RNF157: variants seen among roughly 807,000 people sequenced by gnomAD.
The protein encoded by RNF157 is E3 ubiquitin ligase RNF157.
Under a neutral mutation model 88.3 loss-of-function variants are expected in RNF157, and 55 were observed. The observed-to-expected ratio is 0.62, with a 90% confidence interval of 0.50 to 0.78. RNF157 has a LOEUF of 0.78. Among genes scored for constraint, RNF157 ranks in the 30% least tolerant of loss-of-function variants. The pLI is 0.00. For missense variants in RNF157, 788 were observed against 860.8 expected (o/e 0.92, Z 1.06); for synonymous variants, 334 against 341.2 (o/e 0.98, Z 0.23).
chr17:76,238,705 G>A (rs2145095722), intron 1 of RNF157, among the ~76,000 whole-genome samples: 1 of 152,266 alleles, frequency 6.6e-6, no homozygotes, highest in African/African-American at 2.4e-5. Flanking sequence ...CACAAATACT[G>A]CTGCATATTT....
Position 76,158,613 on chromosome 17 carries a change from T to G in RNF157, c.1305-112A>C, listed in dbSNP as rs1173200834. 1.7e-5 allele frequency: 12 copies of G among 700,040 alleles called. No homozygotes were observed. In the East Asian group the frequency reaches 3.0e-4, roughly 17 times the overall value. The allele number at this position is 700,040 out of a possible 1,614,324, so 43.4% of individuals were successfully genotyped here. ...AAATATTTTTTGCTTGTTTATTTTTTGAGACAGCATCTCATTATGTTTCCC... is the reference window on the plus strand; with the variant it reads ...AAATATTTTTTGCTTGTTTATTTTTGGAGACAGCATCTCATTATGTTTCCC... On this transcript the variant is annotated intron_variant, in intron 12 of 18. Transcript: ENST00000269391.
intron 1 of RNF157, among the ~76,000 whole-genome samples, chr17:76,217,688 C>A (rs2069912711): frequency 6.6e-6 from 1 of 152,158 alleles, no homozygotes; most frequent in Admixed American, 6.5e-5. Context: ...CTATTTGTTA[C>A]CAGGAGAAAC....
At position 76,172,053 on chromosome 17, in the gene RNF157, G is replaced by A. The variant is rs139955597; in HGVS notation, c.296+1649C>T. Among the ~76,000 whole-genome samples, 19 of 152,338 alleles carry A rather than the reference G, an allele frequency of 1.2e-4. No homozygotes were observed. The East Asian group carries it at 3.7e-3, about 29-fold the overall frequency. On this transcript the variant is annotated intron_variant, in intron 3 of 18. Coordinates refer to ENST00000269391, the MANE Select transcript of RNF157 (RefSeq NM_052916.3). ...GATGAACTCCCCTGGGTCAGGTCGG[G>A]GGACTGTTCTGCAGCAGACAGGTAC...
intron 4 of RNF157, 94 bp from the exon 5 acceptor site, chr17:76,167,220 C>T: frequency 1.1e-6 from 1 of 899,350 alleles, no homozygotes; most frequent in Non-Finnish European, 1.8e-6. Context: ...CAATTATCAA[C>T]AGGGTCTAGC....
At chr17:76,150,652 A>G (rs2585738) in intron 18 of RNF157, among the ~76,000 whole-genome samples, 54,037 of 152,144 alleles carry the variant, frequency 0.36, 11,330 homozygotes, top group African/African-American at 0.59. Context: ...AACTACTGAC[A>G]GAGGATGCCA....
In RNF157 at chr17:76,157,092, G is replaced by A. The variant is rs1346953268; in HGVS notation, c.1414-771C>T. On this transcript the variant is annotated intron_variant, in intron 13 of 18. Transcript: ENST00000269391. The surrounding 1 kb of genome is among the most constrained non-coding windows in gnomAD (Gnocchi z 5.6). ...AGCGATTCTCCTGCCTCAGCCTCCC[G>A]AGTAGCTGGGACTACAGGTGCATGC... is the stretch of plus-strand genomic sequence containing the variant. Among the ~76,000 whole-genome samples, 10 of 151,710 alleles carry A rather than the reference G, an allele frequency of 6.6e-5. No homozygotes were observed. Among genetic ancestry groups the A allele is most frequent in the Non-Finnish European group, 8.8e-5 (6 of 67,944 alleles).
chr17:76,194,893 T>G (rs1413478002), intron 2 of RNF157, among the ~76,000 whole-genome samples: 1 of 152,038 alleles, frequency 6.6e-6, no homozygotes, highest in African/African-American at 2.4e-5. Context: ...CGGGCGCCTG[T>G]AGTCCCAGCT....
In RNF157 at chr17:76,160,080, A is replaced by C. The variant is rs535044217; in HGVS notation, c.1066-507T>G. On this transcript the variant is annotated intron_variant, in intron 11 of 18. Transcript: ENST00000269391. This position sits in a 1 kb window ranked among gnomAD's most constrained non-coding sequence, Gnocchi z 4.3. ...ATTGATCCTCCCACCATGGCCTCCC[A>C]AAGTGCTAGGATTACAGATGTAAGC... is the stretch of plus-strand genomic sequence containing the variant. Among the ~76,000 whole-genome samples the C allele has an allele frequency of 6.6e-6, 1 of 152,316 alleles. No individual in the cohort carries two copies. Among genetic ancestry groups the C allele is most frequent in the South Asian group, 2.1e-4 (1 of 4,818 alleles).
At chr17:76,231,011 C>A (rs2070182930) in intron 1 of RNF157, among the ~76,000 whole-genome samples, 1 of 150,976 alleles carries the variant, frequency 6.6e-6, no homozygotes, top group Non-Finnish European at 1.5e-5. Flanking sequence ...AGATCATAGT[C>A]CACTGCAGCC....
At chr17:76,190,721 C>G (rs1486071861) in intron 2 of RNF157, among the ~76,000 whole-genome samples, 2 of 151,706 alleles carry the variant, frequency 1.3e-5, no homozygotes, top group Non-Finnish European at 2.9e-5. Context: ...AGATCGAGAC[C>G]ACGATGAAAC....
At chr17:76,182,059 T>C (rs979870368) in intron 2 of RNF157, among the ~76,000 whole-genome samples, 1 of 152,174 alleles carries the variant, frequency 6.6e-6, no homozygotes, top group Non-Finnish European at 1.5e-5. Context: ...TAGTTCCATC[T>C]GTAAAGGGGC....
rs142157709 is a variant in RNF157, at chr17:76,193,613, G to A, written c.207+18751C>T. ...AAGGCTCTCTGAGATTCTCGGTTTAGGATCACTAGGGAAATGGAAGACACT... is the reference window on the plus strand; with the variant it reads ...AAGGCTCTCTGAGATTCTCGGTTTAAGATCACTAGGGAAATGGAAGACACT... On this transcript the variant is annotated intron_variant, in intron 2 of 18. Coordinates refer to ENST00000269391, the MANE Select transcript of RNF157 (RefSeq NM_052916.3). Among the ~76,000 whole-genome samples the A allele has an allele frequency of 7.0e-3, 1,065 of 151,472 alleles. 10 individuals carry two copies. The highest frequency in any genetic ancestry group is 0.02 in the African/African-American group (843 of 41,304).
intron 1 of RNF157, among the ~76,000 whole-genome samples, chr17:76,232,068 A>T (rs898908334): frequency 6.6e-6 from 1 of 152,158 alleles, no homozygotes; most frequent in African/African-American, 2.4e-5. Context: ...TATAGCATGT[A>T]TCAGTAGTTT....
chr17:76,217,348 G>C (rs2069905867), intron 1 of RNF157, among the ~76,000 whole-genome samples: 1 of 151,832 alleles, frequency 6.6e-6, no homozygotes, highest in African/African-American at 2.4e-5. Flanking sequence ...TTACTTATTG[G>C]TATTTCATTT....
intron 2 of RNF157, among the ~76,000 whole-genome samples, chr17:76,205,250 A>G (rs2069661280): frequency 6.7e-6 from 1 of 150,184 alleles, no homozygotes; most frequent in Admixed American, 6.7e-5. Context: ...GTAATCCTCT[A>G]GCCTCAACCA....
In RNF157 at chr17:76,143,414, C is replaced by G. The variant is rs2068542095; in HGVS notation, c.*1821G>C. On this transcript the variant is annotated 3_prime_UTR_variant, in exon 19 of 19. Coordinates refer to ENST00000269391, the MANE Select transcript of RNF157 (RefSeq NM_052916.3). ...AGGAGGTGGTCTGTGTGCCACCACC[C>G]CAGGGTAAGGGAAGCTCCCTGTCAC... is the stretch of plus-strand genomic sequence containing the variant. 1 of 152,246 alleles carries G rather than the reference C, an allele frequency of 6.6e-6. No individual in the cohort carries two copies. The highest frequency in any genetic ancestry group is 1.5e-5 in the Non-Finnish European group (1 of 68,096). 9.4% of individuals were successfully genotyped at this position (152,246 alleles called of 1,614,324 possible).
intron 2 of RNF157, among the ~76,000 whole-genome samples, chr17:76,207,774 A>G (rs2069707393): frequency 6.6e-6 from 1 of 152,182 alleles, no homozygotes; most frequent in Non-Finnish European, 1.5e-5. Flanking sequence ...CTCAAGCTAC[A>G]TGTCAATCTT....
chr17:76,206,724 C>T (rs1252085507), intron 2 of RNF157, among the ~76,000 whole-genome samples: 1 of 152,162 alleles, frequency 6.6e-6, no homozygotes, highest in Non-Finnish European at 1.5e-5. Context: ...GATCTCGGCT[C>T]ACTGCAATCG....
chr17:76,209,482 G>GT (rs11439973), intron 2 of RNF157, among the ~76,000 whole-genome samples: 21,276 of 146,632 alleles, frequency 0.15, 3,640 homozygotes, highest in African/African-American at 0.42. Context: ...ATTTTTTTGC[G>GT]TTTTTTTTTT....
Sources: allele counts gnomAD v4.1 joint callset (sites outside exome capture counted in the v4.1 genomes callset), GRCh38; gene constraint gnomAD v4.1.1; non-coding constraint Gnocchi (gnomAD v3.1); transcripts MANE v1.5; gene names NCBI Gene and HGNC (gene_info 2026-07-23, HGNC 2026-07-21).